RANBP2: variants seen among roughly 807,000 people sequenced by gnomAD.
RANBP2 encodes the protein RAN binding protein 2.
Under a neutral mutation model 303.6 loss-of-function variants are expected in RANBP2, and 57 were observed. That is an observed-to-expected ratio of 0.19 (90% confidence interval 0.15 to 0.23). RANBP2 has a LOEUF of 0.23. Ranked by LOEUF, RANBP2 falls within the 10% of genes least tolerant of loss-of-function variation. The probability of loss-of-function intolerance (pLI) is 1.00; values close to 1 mark genes in which losing one functional copy is unlikely to be tolerated. For synonymous variants in RANBP2, 1,167 were observed against 1,301.5 expected, an observed-to-expected ratio of 0.90 and a Z score of 2.23; for missense variants, 3,138 against 3,780.8, an observed-to-expected ratio of 0.83 and a Z score of 4.46.
chr2:109,720,232 T>A, the RANBP2 span, among the ~76,000 whole-genome samples: 1 of 151,952 alleles, frequency 6.6e-6, no homozygotes, highest in Non-Finnish European at 1.5e-5. Flanking sequence ...TCATTATATA[T>A]ATATACACAC....
In RANBP2 at chr2:108,780,189, C is replaced by CT. The variant is rs1177548814; in HGVS notation, c.8600-1073dup. ...GAATTTACTAGCTTTTTTTTTTTTC[C>CT]TTTTTTTCCTTTTTTTTTTTGGTGA... On this transcript the variant is annotated intron_variant, in intron 25 of 28. Coordinates refer to ENST00000283195, the MANE Select transcript of RANBP2 (RefSeq NM_006267.5). 1.1e-3 allele frequency among the ~76,000 whole-genome samples: 155 copies of CT among 146,596 alleles called. 1 individual carries two copies. The highest frequency in any genetic ancestry group is 3.6e-3 in the African/African-American group (142 of 39,262).
chr2:109,689,221 T>C, the RANBP2 span, among the ~76,000 whole-genome samples: 1 of 152,132 alleles, frequency 6.6e-6, no homozygotes, highest in African/African-American at 2.4e-5. Flanking sequence ...TGACATTTTC[T>C]AGGAACCTGT....
chr2:108,935,169 G>A, the RANBP2 span, among the ~76,000 whole-genome samples: 2 of 152,112 alleles, frequency 1.3e-5, no homozygotes, highest in South Asian at 2.1e-4. Flanking sequence ...TCTCTTCCCC[G>A]ACCTGCTCTC....
the RANBP2 span, chr2:109,490,883 T>C: frequency 6.5e-7 from 1 of 1,531,170 alleles, no homozygotes; most frequent in Non-Finnish European, 8.8e-7. Flanking sequence ...CCCGGCAAGC[T>C]CCGCTGTCCA....
At chr2:108,952,761 T>G in the RANBP2 span, among the ~76,000 whole-genome samples, 4 of 152,234 alleles carry the variant, frequency 2.6e-5, 1 homozygote, top group South Asian at 8.3e-4. Flanking sequence ...TATTTCTTCG[T>G]ATGTGTGGTA....
Position 108,783,600 on chromosome 2 carries a change from G to C in RANBP2, c.9374G>C (p.Gly3125Ala). ...RVIPDFVCQG[G>A]DITKHDGTGG... ...TATTATAAATCTTTTTTTCAGGGAG[G>C]AGATATCACCAAACATGATGGAACA... The change falls in exon 29 of 29, where the codon GGA (glycine) becomes GCA (alanine). Residue 3125 changes from glycine (G) to alanine (A), a missense_variant. By Grantham distance (60) the Gly-to-Ala change is moderately conservative. Transcript: ENST00000283195. 6.2e-7 allele frequency: 1 copy of C among 1,605,206 alleles called. No individual in the cohort carries two copies. The highest frequency in any genetic ancestry group is 8.5e-7 in the Non-Finnish European group (1 of 1,175,370).
At chr2:108,834,584 T>G in the RANBP2 span, among the ~76,000 whole-genome samples, 3 of 152,234 alleles carry the variant, frequency 2.0e-5, no homozygotes, top group African/African-American at 7.2e-5. Flanking sequence ...ATGATTTTGT[T>G]TCATTGTGGT....
the RANBP2 span, among the ~76,000 whole-genome samples, chr2:109,539,912 T>TAA: frequency 6.6e-6 from 1 of 152,252 alleles, no homozygotes. Flanking sequence ...AACCACAACT[T>TAA]GTTTATGTGT....
chr2:109,294,276 G>T, the RANBP2 span, among the ~76,000 whole-genome samples: 2 of 152,128 alleles, frequency 1.3e-5, no homozygotes, highest in Non-Finnish European at 2.9e-5. Context: ...ATAAAGAATT[G>T]CTGTGCCGTG....
At chr2:109,578,146 A>G in the RANBP2 span, among the ~76,000 whole-genome samples, 2 of 152,140 alleles carry the variant, frequency 1.3e-5, no homozygotes, top group African/African-American at 4.8e-5. Context: ...CTGGCAGGAC[A>G]AACAGGAAAC....
At chr2:109,014,888 C>T in the RANBP2 span, among the ~76,000 whole-genome samples, 1 of 151,778 alleles carries the variant, frequency 6.6e-6, no homozygotes, top group Non-Finnish European at 1.5e-5. Flanking sequence ...TTGGGAGGCC[C>T]AGGTGGGCGG....
chr2:108,813,994 G>T, the RANBP2 span, among the ~76,000 whole-genome samples: 1 of 152,110 alleles, frequency 6.6e-6, no homozygotes, highest in African/African-American at 2.4e-5. Flanking sequence ...TTCTTCTGTT[G>T]ATAGACACCT....
the RANBP2 span, among the ~76,000 whole-genome samples, chr2:109,601,765 TA>T: frequency 0.12 from 16,843 of 143,182 alleles, 1,548 homozygotes; most frequent in East Asian, 0.25. Context: ...ACCCTGAAGT[TA>T]AAAAAAAAAA....
the RANBP2 span, among the ~76,000 whole-genome samples, chr2:109,249,682 G>A: frequency 1.5e-4 from 22 of 143,976 alleles, no homozygotes; most frequent in African/African-American, 6.0e-4. Context: ...GAGTCTTGCT[G>A]TGTCATCAAG....
At chr2:108,753,643 T>C (rs1194595703) in intron 14 of RANBP2, 80 bp downstream of exon 14, 4 of 1,593,146 alleles carry the variant, frequency 2.5e-6, no homozygotes, top group African/African-American at 2.7e-5. Context: ...TCTCTGTTGG[T>C]CGGGCTAGAG....
chr2:109,196,208 GC>G, the RANBP2 span, among the ~76,000 whole-genome samples: 1 of 152,196 alleles, frequency 6.6e-6, no homozygotes, highest in Non-Finnish European at 1.5e-5. Context: ...CACCCTTGAG[GC>G]CATGTCGGGG....
the RANBP2 span, among the ~76,000 whole-genome samples, chr2:109,601,588 T>C: frequency 6.6e-6 from 1 of 152,230 alleles, no homozygotes; most frequent in Non-Finnish European, 1.5e-5. Context: ...CTTCTTTGTT[T>C]CTCTTATTAG....
At chr2:109,227,162 T>A in the RANBP2 span, among the ~76,000 whole-genome samples, 3 of 152,212 alleles carry the variant, frequency 2.0e-5, no homozygotes, top group African/African-American at 7.2e-5. Flanking sequence ...GCAGTGGCAG[T>A]GGTTGGCTCA....
intron 8 of RANBP2, among the ~76,000 whole-genome samples, chr2:108,747,403 T>C (rs3954206): frequency 0.013 from 1,998 of 152,282 alleles, 46 homozygotes; most frequent in African/African-American, 0.046. Context: ...AGGAGCAGTT[T>C]TGATATAAAA....
Sources: allele counts gnomAD v4.1 joint callset (sites outside exome capture counted in the v4.1 genomes callset), GRCh38; gene constraint gnomAD v4.1.1; transcripts MANE v1.5; gene names NCBI Gene and HGNC (gene_info 2026-07-23, HGNC 2026-07-21).